OCA2: variants seen among roughly 807,000 people sequenced by gnomAD.
OCA2 encodes OCA2 melanosomal transmembrane protein.
In OCA2, 77 loss-of-function variants were observed where a neutral mutation model predicts 100.2. That is an observed-to-expected ratio of 0.77 (90% CI 0.64 to 0.93). The LOEUF is 0.93. OCA2 is among the 40% of genes least tolerant of loss of function. OCA2 has a pLI of 0.00. For missense variants in OCA2, 1,062 were observed against 1,089.1 expected (o/e 0.98, Z 0.35); for synonymous variants, 432 against 439.2 (o/e 0.98, Z 0.21).
intron 2 of OCA2, among the ~76,000 whole-genome samples, chr15:28,053,535 T>A (rs1253113176): frequency 6.6e-6 from 1 of 152,224 alleles, no homozygotes; most frequent in African/African-American, 2.4e-5. Context: ...ATGGTCACTG[T>A]GCTGGGCACA....
chr15:28,084,049 T>A (rs1318470005), intron 1 of OCA2, among the ~76,000 whole-genome samples: 1 of 152,196 alleles, frequency 6.6e-6, no homozygotes, highest in African/African-American at 2.4e-5. Flanking sequence ...GGGAGGTGAC[T>A]GGGATTTGGA....
chr15:27,851,318 T>C (rs1012915776), intron 22 of OCA2, 64 bp downstream of exon 22: 1 of 1,303,122 alleles, frequency 7.7e-7, no homozygotes, highest in Non-Finnish European at 1.1e-6. Context: ...CACTAACTGT[T>C]GCTTTGGGCT....
At chr15:27,940,921 G>A (rs190629522) in intron 18 of OCA2, among the ~76,000 whole-genome samples, 2 of 152,274 alleles carry the variant, frequency 1.3e-5, no homozygotes, top group East Asian at 3.9e-4. Context: ...TAATGTTGAG[G>A]AATTTAAATG....
At chr15:27,933,134 A>G (rs148011126) in intron 18 of OCA2, among the ~76,000 whole-genome samples, 6 of 152,348 alleles carry the variant, frequency 3.9e-5, no homozygotes, top group African/African-American at 1.4e-4. Context: ...GCAAAAGAAT[A>G]AAGTTGGACC....
At chr15:27,855,890 G>A (rs370138821) in intron 21 of OCA2, among the ~76,000 whole-genome samples, 78 of 152,336 alleles carry the variant, frequency 5.1e-4, no homozygotes, top group South Asian at 1.0e-3. Flanking sequence ...GGCAGGAACT[G>A]TCTGAAGCTA....
intron 23 of OCA2, among the ~76,000 whole-genome samples, chr15:27,790,351 A>G (rs1024256693): frequency 6.6e-5 from 10 of 152,234 alleles, no homozygotes; most frequent in African/African-American, 2.2e-4. Flanking sequence ...ATAGCAAACT[A>G]CCTGGCCTCA....
intron 18 of OCA2, among the ~76,000 whole-genome samples, chr15:27,948,488 A>T (rs560410294): frequency 6.6e-6 from 1 of 151,758 alleles, no homozygotes; most frequent in African/African-American, 2.4e-5. Flanking sequence ...TGTTTTTCTG[A>T]AATAGTCTGG....
intron 6 of OCA2, among the ~76,000 whole-genome samples, chr15:28,021,656 C>G (rs2042596927): frequency 6.6e-6 from 1 of 152,170 alleles, no homozygotes; most frequent in Non-Finnish European, 1.5e-5. Context: ...GGGGAAGATC[C>G]CGGGAAAGCA....
chr15:28,039,388 C>T (rs1248763147), intron 2 of OCA2, among the ~76,000 whole-genome samples: 1 of 152,060 alleles, frequency 6.6e-6, no homozygotes, highest in East Asian at 1.9e-4. Context: ...CCAGAATAGA[C>T]CATATGTTAG....
At chr15:27,871,788 C>CTT (rs372214357) in intron 20 of OCA2, 75 bp downstream of exon 20, 94 of 869,224 alleles carry the variant, frequency 1.1e-4, no homozygotes, top group African/African-American at 9.5e-4. Flanking sequence ...TACCAGAGTG[C>CTT]TTTTTTTTTT....
chr15:28,040,821 G>A (rs2311806), intron 2 of OCA2, among the ~76,000 whole-genome samples: 1 of 151,892 alleles, frequency 6.6e-6, no homozygotes, highest in African/African-American at 2.4e-5. Context: ...CTACAACCAG[G>A]AAAAAGATTG....
chr15:27,855,340 A>G (rs2035910731), intron 21 of OCA2, among the ~76,000 whole-genome samples: 1 of 152,206 alleles, frequency 6.6e-6, no homozygotes, highest in African/African-American at 2.4e-5. Context: ...ATCTGAGGCA[A>G]GCGCTCCCTC....
rs771823492 is a variant in OCA2, at chr15:27,817,633, G to A, written c.2432+27326C>T. Among the ~76,000 whole-genome samples the A allele has an allele frequency of 8.6e-5, 13 of 151,936 alleles. No individual in the cohort carries two copies. In the East Asian group the frequency reaches 9.6e-4, roughly 11 times the overall value. On this transcript the variant is annotated intron_variant, in intron 23 of 23. Transcript: ENST00000354638. ...CCTCCATGATCCTCTTAGAAACTCC[G>A]GCCCAGAACCCCAGGAGATGGATTT...
At chr15:27,757,704 G>A (rs2030496776) in intron 23 of OCA2, among the ~76,000 whole-genome samples, 1 of 152,196 alleles carries the variant, frequency 6.6e-6, no homozygotes, top group South Asian at 2.1e-4. Context: ...AGAGCTATGA[G>A]GATTCCATGA....
At chr15:28,096,017 G>C (rs2044972271) in intron 1 of OCA2, among the ~76,000 whole-genome samples, 1 of 152,214 alleles carries the variant, frequency 6.6e-6, no homozygotes, top group South Asian at 2.1e-4. Context: ...CAGGGGCCTG[G>C]CTGGGTCCAC....
At chr15:27,968,808 A>G (rs768946741) in intron 14 of OCA2, among the ~76,000 whole-genome samples, 13 of 152,340 alleles carry the variant, frequency 8.5e-5, no homozygotes, top group Non-Finnish European at 1.9e-4. Flanking sequence ...GGCGGGACTC[A>G]TGGAATGCTT....
intron 23 of OCA2, among the ~76,000 whole-genome samples, chr15:27,758,137 C>T (rs1179244066): frequency 2.0e-5 from 3 of 151,960 alleles, no homozygotes; most frequent in African/African-American, 7.3e-5. Flanking sequence ...TCTTGGGGTC[C>T]CAAAGAATGG....
chr15:27,729,062 A>C, the OCA2 span, among the ~76,000 whole-genome samples: 1 of 152,142 alleles, frequency 6.6e-6, no homozygotes, highest in African/African-American at 2.4e-5. Context: ...TCTGCTTTCC[A>C]CGCCTGCAAG....
In OCA2 at chr15:27,838,630, A is replaced by G. The variant is rs985266657; in HGVS notation, c.2432+6329T>C. Among the ~76,000 whole-genome samples, 417 of 151,974 alleles carry G rather than the reference A, an allele frequency of 2.7e-3. 3 individuals carry two copies. Among genetic ancestry groups the G allele is most frequent in the African/African-American group, 9.5e-3 (393 of 41,494 alleles). ...TAGACTCTGAAGATAAATTTGTAAA[A>G]CCCTCCAAGCCTGTAGCAAAATGAT... On this transcript the variant is annotated intron_variant, in intron 23 of 23. Coordinates refer to ENST00000354638, the MANE Select transcript of OCA2 (RefSeq NM_000275.3).
Sources: gnomAD v4.1 joint callset for allele counts (sites outside exome capture counted in the v4.1 genomes callset) on GRCh38, gnomAD v4.1.1 for gene constraint, MANE v1.5 for transcripts, NCBI Gene and HGNC (gene_info 2026-07-23, HGNC 2026-07-21) for gene names.